The following DIP2C variants were observed in gnomAD, a reference collection of about 807,000 sequenced individuals.
DIP2C encodes the protein DIP2 acetate--CoA ligase C (putative).
Under a neutral mutation model 192.4 loss-of-function variants are expected in DIP2C, and 33 were observed. The observed-to-expected ratio is 0.17, with a 90% CI of 0.13 to 0.23. The LOEUF is 0.23. Ranked by LOEUF, DIP2C falls within the 10% of genes least tolerant of loss-of-function variation. DIP2C has a pLI of 1.00. For missense variants in DIP2C, 1,537 were observed against 2,110.1 expected (o/e 0.73, Z 5.32); for synonymous variants, 979 against 864.1 (o/e 1.13, Z -2.33).
chr10:375,108 A>C (rs927039406), intron 17 of DIP2C, among the ~76,000 whole-genome samples: 4 of 152,220 alleles, frequency 2.6e-5, no homozygotes, highest in African/African-American at 9.6e-5. Flanking sequence ...ACAAAATAAA[A>C]CTAAAGGACA....
chr10:617,152 CCTGA>C (rs1306071007), intron 1 of DIP2C, among the ~76,000 whole-genome samples: 3 of 151,618 alleles, frequency 2.0e-5, no homozygotes, highest in Admixed American at 6.6e-5. Context: ...GTGCCTCCCG[CCTGA>C]CTTATTTCCT....
At chr10:589,064 C>T (rs929715740) in intron 1 of DIP2C, among the ~76,000 whole-genome samples, 2 of 152,132 alleles carry the variant, frequency 1.3e-5, no homozygotes, top group African/African-American at 2.4e-5. Context: ...AGCTGCAATG[C>T]ACATCTCGCT....
At chr10:577,531 G>A (rs1168415160) in intron 1 of DIP2C, among the ~76,000 whole-genome samples, 9 of 152,198 alleles carry the variant, frequency 5.9e-5, no homozygotes, top group South Asian at 2.1e-4. Flanking sequence ...ACCTTCAAGA[G>A]CCAACACCAC....
chr10:335,249 A>C (rs935967275), intron 29 of DIP2C, among the ~76,000 whole-genome samples: 1 of 152,202 alleles, frequency 6.6e-6, no homozygotes, highest in African/African-American at 2.4e-5. Flanking sequence ...AGTTATAGAA[A>C]ATGTACAAGT....
chr10:603,162 T>C (rs539956035), intron 1 of DIP2C, among the ~76,000 whole-genome samples: 1 of 151,758 alleles, frequency 6.6e-6, no homozygotes, highest in African/African-American at 2.4e-5. Context: ...ATACTAAGTA[T>C]ATAAAACAGG....
intron 7 of DIP2C, among the ~76,000 whole-genome samples, chr10:414,729 G>GTATATATATATATATATATA (rs1373768409): frequency 1.4e-5 from 1 of 69,258 alleles, no homozygotes; most frequent in African/African-American, 5.5e-5. Flanking sequence ...GTGTGTGTGT[G>GTATATATATATATATATATA]TGTGTGTGTG....
intron 1 of DIP2C, among the ~76,000 whole-genome samples, chr10:563,069 T>C (rs937456058): frequency 2.0e-5 from 3 of 152,244 alleles, no homozygotes; most frequent in African/African-American, 4.8e-5. Flanking sequence ...CTGGGCAGTA[T>C]TGTGTCTTTG....
chr10:604,738 G>A (rs1852345841), intron 1 of DIP2C, among the ~76,000 whole-genome samples: 1 of 152,168 alleles, frequency 6.6e-6, no homozygotes, highest in Non-Finnish European at 1.5e-5. Context: ...TAAACTAAAT[G>A]GGTATATTAA....
chr10:500,692 T>G (rs1002300703), intron 1 of DIP2C, among the ~76,000 whole-genome samples: 1 of 152,212 alleles, frequency 6.6e-6, no homozygotes, highest in Non-Finnish European at 1.5e-5. Flanking sequence ...TTAAAATCTT[T>G]TAAAAGCTGG....
chr10:360,763 A>T (rs1308745259), intron 22 of DIP2C, among the ~76,000 whole-genome samples: 1 of 152,224 alleles, frequency 6.6e-6, no homozygotes, highest in East Asian at 1.9e-4. Flanking sequence ...AAATAAGATA[A>T]TCTGAGGGTA....
intron 29 of DIP2C, among the ~76,000 whole-genome samples, chr10:336,660 G>A (rs753803004): frequency 1.2e-4 from 18 of 152,234 alleles, no homozygotes; most frequent in Non-Finnish European, 2.4e-4. Context: ...AAAGTAAATT[G>A]TAAAACAGCC....
intron 1 of DIP2C, among the ~76,000 whole-genome samples, chr10:687,934 T>A (rs1831393631): frequency 6.6e-6 from 1 of 152,108 alleles, no homozygotes; most frequent in South Asian, 2.1e-4. Flanking sequence ...TTCACATCAG[T>A]GTGATGCAGG....
chr10:300,030 C>T (rs557653829), intron 32 of DIP2C, among the ~76,000 whole-genome samples: 4 of 152,216 alleles, frequency 2.6e-5, no homozygotes, highest in African/African-American at 4.8e-5. Flanking sequence ...GGTGAGCACA[C>T]GGAGAAACCA....
Position 415,825 on chromosome 10 carries a change from G to T in DIP2C, c.803C>A (p.Pro268Gln). The T allele has an allele frequency of 6.2e-7, 1 of 1,613,780 alleles. No individual in the cohort carries two copies. The highest frequency in any genetic ancestry group is 1.1e-5 in the South Asian group (1 of 91,044). The change falls in exon 7 of 37, where the codon CCG (proline) becomes CAG (glutamine). Residue 268 changes from proline to glutamine, a missense_variant. Around this residue, in one of 4 missense-constraint regions of DIP2C, gnomAD observed 473 missense variants for 539.6 expected, o/e 0.88. Coordinates refer to ENST00000280886, the MANE Select transcript of DIP2C (RefSeq NM_014974.3). Reference protein sequence around the residue: ...IQQLVNTLKRPKRPPLREFFV... With the variant: ...IQQLVNTLKRQKRPPLREFFV... ...GAATTCTCGTAAAGGTGGTCGTTTC[G>T]GTCGTTTGAGGGTATTGACAAGCTG...
intron 4 of DIP2C, among the ~76,000 whole-genome samples, chr10:428,992 C>T (rs1270534501): frequency 2.6e-5 from 4 of 152,112 alleles, no homozygotes; most frequent in African/African-American, 7.2e-5. Context: ...CTATCATCAA[C>T]ATTGCCTACC....
intron 4 of DIP2C, among the ~76,000 whole-genome samples, chr10:439,607 G>C (rs1048645842): frequency 6.6e-6 from 1 of 152,220 alleles, no homozygotes; most frequent in South Asian, 2.1e-4. Flanking sequence ...CGTGGCGATA[G>C]AGCAAGACCC....
At chr10:497,224 GAA>G (rs964022951) in intron 1 of DIP2C, among the ~76,000 whole-genome samples, 5 of 152,192 alleles carry the variant, frequency 3.3e-5, no homozygotes, top group African/African-American at 1.2e-4. Flanking sequence ...AGGGAATAAT[GAA>G]AAAGTCTACC....
intron 1 of DIP2C, among the ~76,000 whole-genome samples, chr10:570,352 C>A (rs552835741): frequency 6.6e-6 from 1 of 152,188 alleles, no homozygotes; most frequent in Non-Finnish European, 1.5e-5. Context: ...GACACAGGAG[C>A]AAGCCCCACA....
chr10:507,575 C>T (rs913124369), intron 1 of DIP2C, among the ~76,000 whole-genome samples: 4 of 152,168 alleles, frequency 2.6e-5, no homozygotes, highest in East Asian at 3.8e-4. Flanking sequence ...TGCGCGGTGA[C>T]GGACCTGGTC....
Sources: gnomAD v4.1 joint callset for allele counts (sites outside exome capture counted in the v4.1 genomes callset) on GRCh38, gnomAD v4.1.1 for gene constraint, gnomAD v4.1.1 regional missense constraint, MANE v1.5 for transcripts, NCBI Gene and HGNC (gene_info 2026-07-23, HGNC 2026-07-21) for gene names.